STK32B: variants seen among roughly 807,000 people sequenced by gnomAD.
The protein encoded by STK32B is serine/threonine kinase 32B.
Under a neutral mutation model 52.6 loss-of-function variants are expected in STK32B, and 43 were observed. That is an observed-to-expected ratio of 0.82 (90% CI 0.64 to 1.05). The LOEUF is 1.05. Among genes scored for constraint, STK32B ranks in the 50% least tolerant of loss-of-function variants. The probability of loss-of-function intolerance (pLI) is 0.00; values close to 1 mark genes in which losing one functional copy is unlikely to be tolerated. For missense variants in STK32B, 621 were observed against 534.6 expected, an observed-to-expected ratio of 1.16 and a Z score of -1.59; for synonymous variants, 238 against 204.3, an observed-to-expected ratio of 1.17 and a Z score of -1.41.
intron 3 of STK32B, among the ~76,000 whole-genome samples, chr4:5,195,401 T>C (rs908415569): frequency 2.6e-5 from 4 of 152,152 alleles, no homozygotes; most frequent in African/African-American, 4.8e-5. Context: ...AGTAAAAGAA[T>C]ATTAGAATGG....
Position 5,288,555 on chromosome 4 carries a change from G to A in STK32B, c.261-42665G>A, listed in dbSNP as rs980352019. Reference sequence around the variant, plus strand: ...TATTTTGATTGGAAAAATGTCTTTTGAAATTGTTTGCCTATTTTTTAAATT... The same window carrying A: ...TATTTTGATTGGAAAAATGTCTTTTAAAATTGTTTGCCTATTTTTTAAATT... On this transcript the variant is annotated intron_variant, in intron 3 of 11. Transcript: ENST00000282908. Among the ~76,000 whole-genome samples the A allele has an allele frequency of 2.0e-5, 3 of 152,058 alleles. No individual in the cohort carries two copies. In the South Asian group the frequency reaches 6.2e-4, roughly 32 times the overall value.
chr4:5,497,495 A>G (rs962687009), intron 11 of STK32B, among the ~76,000 whole-genome samples: 2 of 152,166 alleles, frequency 1.3e-5, no homozygotes, highest in Admixed American at 6.5e-5. Context: ...TTTAACCATG[A>G]CCACCTTTCC....
chr4:5,331,357 C>T lies in STK32B; in HGVS notation c.398C>T (p.Ala133Val). Residue 133 changes from alanine to valine, a missense_variant, in exon 4 of 12, where the codon GCC (alanine) becomes GTC (valine). By Grantham distance (64) the Ala-to-Val change is moderately conservative. Coordinates refer to ENST00000282908, the MANE Select transcript of STK32B (RefSeq NM_018401.3). ...VKLYICELALALEYLQRYHII... is the reference protein window; with the variant it reads ...VKLYICELALVLEYLQRYHII... Reference sequence around the variant, plus strand: ...CTCTACATCTGTGAGCTGGCACTGGCCCTGGAGTATCTTCAGAGGTACCAC... The same window carrying T: ...CTCTACATCTGTGAGCTGGCACTGGTCCTGGAGTATCTTCAGAGGTACCAC... The T allele has an allele frequency of 1.2e-6, 2 of 1,613,462 alleles. No individual in the cohort carries two copies. The highest frequency in any genetic ancestry group is 1.3e-5 in the African/African-American group (1 of 75,000).
At chr4:5,231,135 A>G (rs946477106) in intron 3 of STK32B, among the ~76,000 whole-genome samples, 14 of 152,072 alleles carry the variant, frequency 9.2e-5, no homozygotes, top group African/African-American at 3.4e-4. Context: ...TCTCACAAGG[A>G]TTTTATGCCT....
intron 5 of STK32B, among the ~76,000 whole-genome samples, chr4:5,414,072 A>G (rs1711942562): frequency 6.6e-6 from 1 of 152,202 alleles, no homozygotes; most frequent in African/African-American, 2.4e-5. Context: ...AAAATTGGAA[A>G]CAACCTGAAT....
intron 1 of STK32B, among the ~76,000 whole-genome samples, chr4:5,076,973 A>T (rs912789432): frequency 1.3e-5 from 2 of 152,176 alleles, no homozygotes; most frequent in Non-Finnish European, 2.9e-5. Flanking sequence ...GAGGAGAGAC[A>T]AAGGGAGGCT....
intron 1 of STK32B, among the ~76,000 whole-genome samples, chr4:5,137,223 C>G (rs1716128887): frequency 6.6e-6 from 1 of 152,146 alleles, no homozygotes; most frequent in South Asian, 2.1e-4. Flanking sequence ...ATGCTGAAGC[C>G]TAGAATTAGC....
rs775736346 is a variant in STK32B, at chr4:5,456,890, G to C, written c.750G>C (p.Thr250=). Residue 250 remains threonine (T), a synonymous_variant, in exon 8 of 12, where the codon ACG becomes ACC. Coordinates refer to ENST00000282908, the MANE Select transcript of STK32B (RefSeq NM_018401.3). ...TGGAGCGTGTCCACTACTCCTCCAC[G>C]TGGTGCAAGGGGATGGTGGCCCTGC... The part of the protein sequence containing the change: ...FKVERVHYSS[T]WCKGMVALLR... 3.8e-6 allele frequency: 6 copies of C among 1,589,232 alleles called. No homozygotes were observed. The African/African-American group carries it at 8.0e-5, about 21-fold the overall frequency.
intron 1 of STK32B, among the ~76,000 whole-genome samples, chr4:5,060,475 T>A (rs1206073684): frequency 6.6e-6 from 1 of 152,194 alleles, no homozygotes; most frequent in African/African-American, 2.4e-5. Flanking sequence ...CTTTAATTTT[T>A]ATTTGTTTTC....
At chr4:5,496,065 G>T (rs1197484086) in intron 11 of STK32B, among the ~76,000 whole-genome samples, 1 of 152,226 alleles carries the variant, frequency 6.6e-6, no homozygotes, top group Non-Finnish European at 1.5e-5. Flanking sequence ...CCTGTTCTCA[G>T]ATCTCCAGCT....
At chr4:5,438,073 T>C (rs1374977184) in intron 6 of STK32B, 2 of 985,446 alleles carry the variant, frequency 2.0e-6, no homozygotes, top group Non-Finnish European at 2.4e-6. Flanking sequence ...CTGCCAGGCA[T>C]GACAAGGTTT....
intron 4 of STK32B, among the ~76,000 whole-genome samples, chr4:5,341,374 C>G (rs1357938612): frequency 6.6e-6 from 1 of 152,190 alleles, no homozygotes; most frequent in African/African-American, 2.4e-5. Flanking sequence ...ATGTCCTGTT[C>G]ACAGTCACAT....
At chr4:5,244,573 T>A (rs1191460402) in intron 3 of STK32B, among the ~76,000 whole-genome samples, 1 of 152,228 alleles carries the variant, frequency 6.6e-6, no homozygotes, top group African/African-American at 2.4e-5. Flanking sequence ...TGTCTCTGTT[T>A]CCTTCAGTTC....
chr4:5,373,588 A>G (rs1349051054), intron 4 of STK32B, among the ~76,000 whole-genome samples: 1 of 152,114 alleles, frequency 6.6e-6, no homozygotes, highest in African/African-American at 2.4e-5. Context: ...TTAATTATGA[A>G]TCTCATCCAA....
chr4:5,422,466 G>T (rs183300598), intron 6 of STK32B, among the ~76,000 whole-genome samples: 5 of 152,252 alleles, frequency 3.3e-5, no homozygotes, highest in African/African-American at 7.2e-5. Context: ...AGAAAAATTT[G>T]CATAGGGCTG....
chr4:5,145,568 T>C (rs1716848853), intron 2 of STK32B, among the ~76,000 whole-genome samples: 1 of 152,196 alleles, frequency 6.6e-6, no homozygotes, highest in Non-Finnish European at 1.5e-5. Context: ...TTCTAAAATT[T>C]AGTATAAAAT....
At chr4:5,095,959 C>T (rs1044600157) in intron 1 of STK32B, among the ~76,000 whole-genome samples, 3 of 152,088 alleles carry the variant, frequency 2.0e-5, no homozygotes, top group Middle Eastern at 3.2e-3. Flanking sequence ...GCTGGTTACA[C>T]GTGAACTGGA....
At chr4:5,330,334 T>A (rs1313867476) in intron 3 of STK32B, among the ~76,000 whole-genome samples, 1 of 152,218 alleles carries the variant, frequency 6.6e-6, no homozygotes, top group African/African-American at 2.4e-5. Context: ...TACAATTGTT[T>A]AACAACAATC....
intron 3 of STK32B, among the ~76,000 whole-genome samples, chr4:5,209,390 T>TTTTTTATA (rs1560227831): frequency 6.6e-6 from 1 of 151,868 alleles, no homozygotes; most frequent in African/African-American, 2.4e-5. Flanking sequence ...CCTGGCTAAT[T>TTTTTTATA]TTTTTGTATT....
Sources: allele counts gnomAD v4.1 joint callset (sites outside exome capture counted in the v4.1 genomes callset), GRCh38; gene constraint gnomAD v4.1.1; transcripts MANE v1.5; gene names NCBI Gene and HGNC (gene_info 2026-07-23, HGNC 2026-07-21).